Variants in CCSER1 observed in about 807,000 individuals in gnomAD.
The protein encoded by CCSER1 is serine-rich coiled-coil domain-containing protein 1.
In CCSER1, 41 loss-of-function variants were observed where a neutral mutation model predicts 82.0. That is an observed-to-expected ratio of 0.50 (90% CI 0.39 to 0.65). The LOEUF is 0.65. Among genes scored for constraint, CCSER1 ranks in the 30% least tolerant of loss-of-function variants. The pLI, the probability that CCSER1 is intolerant of heterozygous loss-of-function variation, is 0.00. For synonymous variants in CCSER1, 414 were observed against 383.9 expected (o/e 1.08, Z -0.92); for missense variants, 1,119 against 1,064.2 (o/e 1.05, Z -0.72).
At chr4:90,283,883 T>C (rs1367601204) in intron 1 of CCSER1, among the ~76,000 whole-genome samples, 3 of 152,078 alleles carry the variant, frequency 2.0e-5, no homozygotes, top group South Asian at 2.1e-4. Context: ...GCTCTTTTTT[T>C]AGTTTTTTGA....
At chr4:90,509,551 C>A (rs898967278) in intron 5 of CCSER1, among the ~76,000 whole-genome samples, 3 of 152,100 alleles carry the variant, frequency 2.0e-5, no homozygotes, top group Non-Finnish European at 4.4e-5. Flanking sequence ...TTTCCTTAAG[C>A]CAAGTACCAT....
intron 10 of CCSER1, among the ~76,000 whole-genome samples, chr4:91,327,002 C>T (rs1159149958): frequency 6.6e-6 from 1 of 152,182 alleles, no homozygotes; most frequent in East Asian, 1.9e-4. Context: ...GCCCATGCAG[C>T]TATTTTCATG....
In CCSER1 at chr4:91,208,320, G is replaced by A. The variant is rs141519520; in HGVS notation, c.2217+122326G>A. ...CTTTGCCAGTTCCTATGTCCAAAAT[G>A]GTATTTCCTAGATTATCTTCCAGGG... On this transcript the variant is annotated intron_variant, in intron 10 of 10. Transcript: ENST00000509176. Among the ~76,000 whole-genome samples, 4 of 151,890 alleles carry A rather than the reference G, an allele frequency of 2.6e-5. No individual in the cohort carries two copies. In the East Asian group the frequency reaches 5.8e-4, roughly 22 times the overall value.
intron 10 of CCSER1, among the ~76,000 whole-genome samples, chr4:91,552,814 C>A (rs937948124): frequency 1.3e-5 from 2 of 151,120 alleles, no homozygotes; most frequent in Non-Finnish European, 3.0e-5. Context: ...TAGATTCTAT[C>A]ATCTAAAAAA....
chr4:91,226,950 A>G (rs1738247124), intron 10 of CCSER1, among the ~76,000 whole-genome samples: 1 of 151,894 alleles, frequency 6.6e-6, no homozygotes, highest in Non-Finnish European at 1.5e-5. Context: ...ATAAATTATC[A>G]TAATATTTAG....
In CCSER1 at chr4:91,268,310, T is replaced by TG. The variant is rs538068099; in HGVS notation, c.2217+182322dup. The stretch of plus-strand genomic sequence containing the variant: ...AAATGTTTAGATCTGGCAGCATTAT[T>TG]GGGGGGATGTGAGGATGTGATTTAT... On this transcript the variant is annotated intron_variant, in intron 10 of 10. Transcript: ENST00000509176. Among the ~76,000 whole-genome samples, 4 of 152,300 alleles carry TG rather than the reference T, an allele frequency of 2.6e-5. No individual in the cohort carries two copies. In the South Asian group the frequency reaches 8.3e-4, roughly 32 times the overall value.
chr4:90,928,399 CA>C (rs1429678016), intron 9 of CCSER1, among the ~76,000 whole-genome samples: 6 of 152,192 alleles, frequency 3.9e-5, no homozygotes, highest in African/African-American at 1.2e-4. Context: ...TTTCATTCAA[CA>C]AATATGACTA....
intron 10 of CCSER1, among the ~76,000 whole-genome samples, chr4:91,254,481 A>G (rs1740518759): frequency 6.6e-6 from 1 of 152,192 alleles, no homozygotes; most frequent in African/African-American, 2.4e-5. Flanking sequence ...TACTTATATT[A>G]GATACTTGGA....
At chr4:91,568,253 C>CCTTTCTTT (rs1762992317) in intron 10 of CCSER1, among the ~76,000 whole-genome samples, 3 of 151,810 alleles carry the variant, frequency 2.0e-5, no homozygotes. Context: ...GGTGACCTGC[C>CCTTTCTTT]CTTTCTTTCT....
intron 5 of CCSER1, among the ~76,000 whole-genome samples, chr4:90,526,268 G>A (rs768121418): frequency 2.6e-5 from 4 of 151,904 alleles, no homozygotes; most frequent in Non-Finnish European, 2.9e-5. Flanking sequence ...AACCAATTTC[G>A]CTGTATTTCA....
At chr4:90,492,530 C>T (rs1396880082) in intron 5 of CCSER1, among the ~76,000 whole-genome samples, 1 of 152,088 alleles carries the variant, frequency 6.6e-6, no homozygotes, top group African/African-American at 2.4e-5. Flanking sequence ...CAGTTGTGCT[C>T]TGATCTTAGT....
At chr4:90,745,232 C>T (rs1406494658) in intron 7 of CCSER1, among the ~76,000 whole-genome samples, 2 of 152,082 alleles carry the variant, frequency 1.3e-5, no homozygotes, top group South Asian at 2.1e-4. Flanking sequence ...TTGTAGACCC[C>T]GTCTATCTTC....
chr4:91,354,265 T>C (rs966051261), intron 10 of CCSER1, among the ~76,000 whole-genome samples: 1 of 152,226 alleles, frequency 6.6e-6, no homozygotes, highest in Admixed American at 6.5e-5. Flanking sequence ...ATCTTTCCAA[T>C]CACTTACAGC....
chr4:91,195,876 T>TA (rs1735365413), intron 10 of CCSER1, among the ~76,000 whole-genome samples: 1 of 151,818 alleles, frequency 6.6e-6, no homozygotes, highest in Non-Finnish European at 1.5e-5. Context: ...TTCCCTTTCT[T>TA]ACAACTCTTC....
At chr4:90,604,360 A>G (rs1490140156) in intron 5 of CCSER1, among the ~76,000 whole-genome samples, 1 of 151,732 alleles carries the variant, frequency 6.6e-6, no homozygotes, top group African/African-American at 2.4e-5. Flanking sequence ...TGGAGATGTA[A>G]AGACTTGAAT....
At chr4:90,483,561 A>C (rs1169718987) in intron 5 of CCSER1, among the ~76,000 whole-genome samples, 2 of 152,180 alleles carry the variant, frequency 1.3e-5, no homozygotes, top group African/African-American at 4.8e-5. Flanking sequence ...CTTTCAGGGC[A>C]GGCCTGGTGG....
At chr4:90,893,923 T>A (rs1580967711) in intron 8 of CCSER1, among the ~76,000 whole-genome samples, 1 of 152,164 alleles carries the variant, frequency 6.6e-6, no homozygotes, top group Non-Finnish European at 1.5e-5. Context: ...TATGTTATTT[T>A]ATTGTTTTAC....
intron 9 of CCSER1, among the ~76,000 whole-genome samples, chr4:91,039,932 CAT>C (rs1248634417): frequency 6.6e-6 from 1 of 152,004 alleles, no homozygotes; most frequent in Non-Finnish European, 1.5e-5. Context: ...TGTTTGTTGT[CAT>C]GTGTAGAAAG....
At chr4:91,242,734 A>G (rs1330850188) in intron 10 of CCSER1, among the ~76,000 whole-genome samples, 2 of 152,196 alleles carry the variant, frequency 1.3e-5, no homozygotes, top group Non-Finnish European at 2.9e-5. Context: ...AAATATTCAT[A>G]AAATACATAC....
Sources: gnomAD v4.1 joint callset for allele counts (sites outside exome capture counted in the v4.1 genomes callset) on GRCh38, gnomAD v4.1.1 for gene constraint, MANE v1.5 for transcripts, NCBI Gene and HGNC (gene_info 2026-07-23, HGNC 2026-07-21) for gene names.